The following LOC128092252 variants were observed in gnomAD, a reference collection of about 807,000 sequenced individuals.
the LOC128092252 span, among the ~76,000 whole-genome samples, chr15:50,656,306 T>A: frequency 6.7e-6 from 1 of 149,986 alleles, no homozygotes; most frequent in Non-Finnish European, 1.5e-5. Flanking sequence ...TTTTTGTTTG[T>A]TTTTTTTTCT....
At chr15:50,659,329 G>A in the LOC128092252 span, among the ~76,000 whole-genome samples, 1 of 152,110 alleles carries the variant, frequency 6.6e-6, no homozygotes, top group South Asian at 2.1e-4. Flanking sequence ...CTAACTTTCT[G>A]GAAGACATTC....
At chr15:50,652,980 C>A in the LOC128092252 span, among the ~76,000 whole-genome samples, 1 of 152,104 alleles carries the variant, frequency 6.6e-6, no homozygotes, top group Non-Finnish European at 1.5e-5. Context: ...GACAACATGG[C>A]AAAACTCCTT....
At chr15:50,654,371 C>T in the LOC128092252 span, among the ~76,000 whole-genome samples, 7 of 151,194 alleles carry the variant, frequency 4.6e-5, no homozygotes, top group African/African-American at 7.2e-5. Flanking sequence ...TGCTTGAACC[C>T]GGGAGGCAGA....
At chr15:50,658,457 C>T in the LOC128092252 span, among the ~76,000 whole-genome samples, 4 of 151,618 alleles carry the variant, frequency 2.6e-5, no homozygotes, top group African/African-American at 9.7e-5. Context: ...ATAGTCCTAG[C>T]TACTAGGGAG....
At chr15:50,684,518 G>A in the LOC128092252 span, among the ~76,000 whole-genome samples, 1 of 151,926 alleles carries the variant, frequency 6.6e-6, no homozygotes, top group African/African-American at 2.4e-5. Context: ...GCTCGCACCT[G>A]GAGTCCCAGC....
At chr15:50,652,829 A>G in the LOC128092252 span, among the ~76,000 whole-genome samples, 1 of 152,100 alleles carries the variant, frequency 6.6e-6, no homozygotes, top group Non-Finnish European at 1.5e-5. Context: ...AAGGAACTCC[A>G]TCTCAAAAAA....
chr15:50,684,597 C>A, the LOC128092252 span, among the ~76,000 whole-genome samples: 1 of 151,786 alleles, frequency 6.6e-6, no homozygotes, highest in Non-Finnish European at 1.5e-5. Flanking sequence ...GCCGAGATCG[C>A]TACACTGCAC....
chr15:50,672,177 C>T, the LOC128092252 span, among the ~76,000 whole-genome samples: 12 of 152,058 alleles, frequency 7.9e-5, no homozygotes, highest in African/African-American at 2.9e-4. Flanking sequence ...CCTCAGCCTC[C>T]TGAGCAGCTG....
chr15:50,653,073 C>G, the LOC128092252 span, among the ~76,000 whole-genome samples: 4 of 152,096 alleles, frequency 2.6e-5, no homozygotes, highest in African/African-American at 9.7e-5. Flanking sequence ...ATCACCTGAG[C>G]CCGGGAGGTC....
the LOC128092252 span, among the ~76,000 whole-genome samples, chr15:50,682,365 G>A: frequency 2.0e-5 from 3 of 151,554 alleles, no homozygotes; most frequent in Non-Finnish European, 2.9e-5. Flanking sequence ...AGAGCATGAG[G>A]TCAAGAGATC....
the LOC128092252 span, among the ~76,000 whole-genome samples, chr15:50,668,688 A>C: frequency 6.6e-6 from 1 of 152,056 alleles, no homozygotes; most frequent in Non-Finnish European, 1.5e-5. Context: ...TTGTATCTTT[A>C]GTAGAAACAG....
At chr15:50,684,995 C>T in the LOC128092252 span, among the ~76,000 whole-genome samples, 1 of 152,132 alleles carries the variant, frequency 6.6e-6, no homozygotes, top group Non-Finnish European at 1.5e-5. Flanking sequence ...AAGTCCTTGT[C>T]TTTTTAGACA....
chr15:50,662,512 G>A, the LOC128092252 span, among the ~76,000 whole-genome samples: 4,542 of 152,030 alleles, frequency 0.03, 242 homozygotes, highest in African/African-American at 0.1. Context: ...AGTAAATAAT[G>A]ATCTGTATCT....
chr15:50,664,236 G>A, the LOC128092252 span, among the ~76,000 whole-genome samples: 2 of 150,492 alleles, frequency 1.3e-5, no homozygotes, highest in Non-Finnish European at 3.0e-5. Context: ...AGTGAACCAG[G>A]GAGTCGGAGG....
At chr15:50,686,484 C>G in the LOC128092252 span, 1 of 1,614,112 alleles carries the variant, frequency 6.2e-7, no homozygotes, top group Non-Finnish European at 8.5e-7. Flanking sequence ...CTTTACCGCC[C>G]GCAACCCCAG....
chr15:50,651,204 A>C, the LOC128092252 span, among the ~76,000 whole-genome samples: 2 of 151,978 alleles, frequency 1.3e-5, no homozygotes, highest in Non-Finnish European at 2.9e-5. Flanking sequence ...TAAATAAATA[A>C]AAATTTCAAA....
the LOC128092252 span, among the ~76,000 whole-genome samples, chr15:50,667,882 T>C: frequency 6.6e-6 from 1 of 152,238 alleles, no homozygotes; most frequent in Non-Finnish European, 1.5e-5. Flanking sequence ...AAATGGTGTT[T>C]GGCTTTCTTT....
At chr15:50,658,684 C>T in the LOC128092252 span, among the ~76,000 whole-genome samples, 2 of 152,028 alleles carry the variant, frequency 1.3e-5, no homozygotes, top group Non-Finnish European at 2.9e-5. Flanking sequence ...CAATACCCAT[C>T]AAAATAAAAA....
At chr15:50,658,930 GGCTCACGCCTGTAATGCCA>G in the LOC128092252 span, among the ~76,000 whole-genome samples, 1 of 152,338 alleles carries the variant, frequency 6.6e-6, no homozygotes, top group Non-Finnish European at 1.5e-5. Context: ...CAGGCGCAGT[GGCTCACGCCTGTAATGCCA>G]GCACTTTGGG....
Sources: allele counts gnomAD v4.1 joint callset (sites outside exome capture counted in the v4.1 genomes callset), GRCh38; gene constraint gnomAD v4.1.1; transcripts MANE v1.5.